Variants in GADL1 observed in about 807,000 individuals in gnomAD.
The protein encoded by GADL1 is GAD like acidic amino acid decarboxylase 1.
Under a neutral mutation model 69.5 loss-of-function variants are expected in GADL1, and 71 were observed. The ratio of observed to expected loss-of-function variants is 1.02; its 90% CI spans 0.84 to 1.25. The LOEUF (loss-of-function observed/expected upper bound fraction) is 1.25, where lower values mean the gene tolerates loss of function less well. GADL1 is among the 50% of genes most tolerant of loss of function. The pLI is 0.00. For synonymous variants in GADL1, 254 were observed against 214.4 expected (o/e 1.18, Z -1.62); for missense variants, 737 against 631.8 (o/e 1.17, Z -1.79).
At position 30,823,102 on chromosome 3, in the gene GADL1, T is replaced by A. The variant is rs538713181; in HGVS notation, c.1050+10751A>T. Reference sequence around the variant, plus strand: ...AACAAAATATAAAAACTGCATCTAATGAAAAGCCTAGCAGACCTCCACAAG... The same window carrying A: ...AACAAAATATAAAAACTGCATCTAAAGAAAAGCCTAGCAGACCTCCACAAG... On this transcript the variant is annotated intron_variant, in intron 11 of 14. Transcript: ENST00000282538. 2.0e-5 allele frequency among the ~76,000 whole-genome samples: 3 copies of A among 151,980 alleles called. No homozygotes were observed. The East Asian group carries it at 5.8e-4, about 30-fold the overall frequency.
chr3:30,839,034 TCTG>T lies in GADL1; in HGVS notation c.863_865del (p.Ala288del), dbSNP rs769368728. ...CCAGAGGCTGTGCCTCTCGCAGATG[TCTG>T]CTATTTCATCCAGAGGGTCAAAAGC... On this transcript the variant is annotated inframe_deletion, in exon 9 of 15. Coordinates refer to ENST00000282538, the MANE Select transcript of GADL1 (RefSeq NM_207359.3). 6.2e-6 allele frequency: 10 copies of T among 1,605,944 alleles called. No individual in the cohort carries two copies. The highest frequency in any genetic ancestry group is 8.5e-6 in the Non-Finnish European group (10 of 1,176,802).
At chr3:30,839,524 A>G (rs1261934683) in intron 8 of GADL1, among the ~76,000 whole-genome samples, 4 of 151,410 alleles carry the variant, frequency 2.6e-5, no homozygotes, top group Admixed American at 2.6e-4. Flanking sequence ...CAAAAAAAAA[A>G]AAAGGTTGGA....
Position 30,850,024 on chromosome 3 carries a change from G to A in GADL1, c.623C>T (p.Pro208Leu). ...DIKEKGLSGS[P>L]RLILFTSAEC... The stretch of plus-strand genomic sequence containing the variant: ...TGCAGATGTGAAAAGGATTAATCTT[G>A]GCGAACCAGACAGCCCCTTTTCCTT... Residue 208 changes from proline (P) to leucine (L), a missense_variant, in exon 6 of 15, where the codon CCA (proline) becomes CTA (leucine). Pro to Leu is a moderately conservative substitution (Grantham distance 98). Coordinates refer to ENST00000282538, the MANE Select transcript of GADL1 (RefSeq NM_207359.3). 1.2e-6 allele frequency: 2 copies of A among 1,605,732 alleles called. No homozygotes were observed. Among genetic ancestry groups the A allele is most frequent in the Non-Finnish European group, 1.7e-6 (2 of 1,172,760 alleles).
At chr3:30,735,065 C>T (rs1275615715) in intron 14 of GADL1, among the ~76,000 whole-genome samples, 2 of 152,044 alleles carry the variant, frequency 1.3e-5, no homozygotes, top group Non-Finnish European at 2.9e-5. Context: ...GATCTGATTT[C>T]TCTGTTGTTT....
intron 1 of GADL1, among the ~76,000 whole-genome samples, chr3:30,874,923 C>T (rs1226963964): frequency 2.6e-5 from 4 of 151,872 alleles, no homozygotes; most frequent in Non-Finnish European, 4.4e-5. Flanking sequence ...ATAATTGCTT[C>T]GGGGTAATTC....
chr3:30,790,626 A>G (rs1696893993), intron 12 of GADL1, among the ~76,000 whole-genome samples: 1 of 152,204 alleles, frequency 6.6e-6, no homozygotes, highest in Admixed American at 6.5e-5. Context: ...AATATGATAG[A>G]AAGTTGCTAT....
intron 1 of GADL1, among the ~76,000 whole-genome samples, chr3:30,893,642 T>A (rs1698815650): frequency 1.3e-5 from 2 of 152,194 alleles, no homozygotes; most frequent in Admixed American, 6.5e-5. Flanking sequence ...TAAAGTTTTT[T>A]TAAAAGAGCG....
At chr3:30,735,781 C>T (rs990681012) in intron 14 of GADL1, among the ~76,000 whole-genome samples, 1 of 152,078 alleles carries the variant, frequency 6.6e-6, no homozygotes, top group East Asian at 1.9e-4. Context: ...AGGAAGAAGG[C>T]ATTTTGAACA....
chr3:30,760,007 T>C (rs1324440405), intron 14 of GADL1, among the ~76,000 whole-genome samples: 1 of 152,234 alleles, frequency 6.6e-6, no homozygotes, highest in Non-Finnish European at 1.5e-5. Flanking sequence ...ATTAGCTACC[T>C]AATATCTCCT....
intron 11 of GADL1, 51 bp from the exon 12 acceptor site, chr3:30,801,139 A>G (rs375917723): frequency 7.0e-7 from 1 of 1,433,742 alleles, no homozygotes. Context: ...ATATAACTTG[A>G]TTTTGAAAGC....
chr3:30,821,211 G>C (rs1697573486), intron 11 of GADL1, among the ~76,000 whole-genome samples: 1 of 152,020 alleles, frequency 6.6e-6, no homozygotes, highest in African/African-American at 2.4e-5. Context: ...GATAGCATTA[G>C]GAGATATACC....
intron 13 of GADL1, 141 bp from the exon 14 acceptor site, chr3:30,778,409 A>T (rs1161841970): frequency 1.6e-6 from 1 of 609,018 alleles, no homozygotes; most frequent in Admixed American, 3.0e-5. Context: ...TAGAGTAACA[A>T]TCCCTTCTGC....
intron 1 of GADL1, among the ~76,000 whole-genome samples, chr3:30,891,957 A>G (rs993695410): frequency 6.6e-6 from 1 of 152,206 alleles, no homozygotes; most frequent in African/African-American, 2.4e-5. Flanking sequence ...CAGCATTTCA[A>G]CAACAAATTT....
intron 14 of GADL1, among the ~76,000 whole-genome samples, chr3:30,748,150 G>C (rs1435991200): frequency 6.6e-6 from 1 of 152,112 alleles, no homozygotes; most frequent in Non-Finnish European, 1.5e-5. Context: ...CTTCCTCCTG[G>C]ACCAAATCAA....
intron 14 of GADL1, among the ~76,000 whole-genome samples, chr3:30,746,693 T>C (rs1174535083): frequency 6.6e-6 from 1 of 152,164 alleles, no homozygotes; most frequent in East Asian, 1.9e-4. Context: ...CCATCAGATT[T>C]CTTACACACA....
At chr3:30,884,047 G>A (rs1294251107) in intron 1 of GADL1, among the ~76,000 whole-genome samples, 2 of 151,694 alleles carry the variant, frequency 1.3e-5, no homozygotes, top group Non-Finnish European at 2.9e-5. Flanking sequence ...ATGCTTCCAC[G>A]TCTTAGTCTA....
At chr3:30,762,413 T>C (rs1171203015) in intron 14 of GADL1, among the ~76,000 whole-genome samples, 18 of 152,212 alleles carry the variant, frequency 1.2e-4, no homozygotes, top group Non-Finnish European at 1.5e-5. Context: ...AAAGCATATC[T>C]GAACTCATGT....
intron 1 of GADL1, among the ~76,000 whole-genome samples, chr3:30,893,147 T>C (rs748820198): frequency 6.6e-6 from 1 of 152,258 alleles, no homozygotes; most frequent in Non-Finnish European, 1.5e-5. Context: ...TGAGCCATCA[T>C]GCCCAGCCTA....
At chr3:30,829,430 T>C (rs543568335) in intron 11 of GADL1, among the ~76,000 whole-genome samples, 4 of 152,050 alleles carry the variant, frequency 2.6e-5, no homozygotes, top group African/African-American at 9.6e-5. Context: ...TGAACAGCAG[T>C]ATATTTACTA....
Sources: allele counts gnomAD v4.1 joint callset (sites outside exome capture counted in the v4.1 genomes callset), GRCh38; gene constraint gnomAD v4.1.1; transcripts MANE v1.5; gene names NCBI Gene and HGNC (gene_info 2026-07-23, HGNC 2026-07-21).